PCDH9: variants seen among roughly 807,000 people sequenced by gnomAD.
PCDH9 encodes the protein protocadherin-9.
A neutral mutation model predicts 70.6 loss-of-function variants in PCDH9; 24 were observed. The observed-to-expected ratio is 0.34, with a 90% CI of 0.25 to 0.48. The LOEUF (loss-of-function observed/expected upper bound fraction) is 0.48. Among genes scored for constraint, PCDH9 ranks in the 20% least tolerant of loss-of-function variants. The pLI, the probability that PCDH9 is intolerant of heterozygous loss-of-function variation, is 0.99. For synonymous variants in PCDH9, 562 were observed against 558.5 expected (o/e 1.01, Z -0.09); for missense variants, 1,281 against 1,503.6 (o/e 0.85, Z 2.45).
At chr13:66,815,016 A>G (rs1453318573) in intron 3 of PCDH9, among the ~76,000 whole-genome samples, 1 of 152,188 alleles carries the variant, frequency 6.6e-6, no homozygotes, top group East Asian at 1.9e-4. Flanking sequence ...CACATCCCAC[A>G]AAGGTCTAAT....
intron 3 of PCDH9, among the ~76,000 whole-genome samples, chr13:66,728,635 T>A (rs2079034825): frequency 6.6e-6 from 1 of 152,064 alleles, no homozygotes; most frequent in Non-Finnish European, 1.5e-5. Flanking sequence ...GTTCTGTTCC[T>A]CTCCTACTGA....
At chr13:66,618,785 C>A (rs1028231389) in intron 4 of PCDH9, among the ~76,000 whole-genome samples, 1 of 152,086 alleles carries the variant, frequency 6.6e-6, no homozygotes, top group Non-Finnish European at 1.5e-5. Flanking sequence ...GATTACATAT[C>A]CAGGGTTAAG....
At chr13:66,673,568 A>G (rs1309598859) in intron 3 of PCDH9, among the ~76,000 whole-genome samples, 2 of 152,162 alleles carry the variant, frequency 1.3e-5, no homozygotes, top group Non-Finnish European at 1.5e-5. Flanking sequence ...AGGCTACCAG[A>G]AGCTGGCACA....
At chr13:67,210,377 C>T (rs1276593548) in intron 2 of PCDH9, 3 of 151,990 alleles carry the variant, frequency 2.0e-5, no homozygotes, top group Admixed American at 2.0e-4. Context: ...AGAGTGATAA[C>T]ATAGATCATA....
chr13:66,674,657 A>G lies in PCDH9; in HGVS notation c.3139-43246T>C, dbSNP rs138250685. Reference sequence around the variant, plus strand: ...AAATGCCATAAAAATTACAACAAAGATAAATATTTTTCTTATCTACTCTAT... The same window carrying G: ...AAATGCCATAAAAATTACAACAAAGGTAAATATTTTTCTTATCTACTCTAT... On this transcript the variant is annotated intron_variant, in intron 3 of 4. Transcript: ENST00000377865. 2.6e-5 allele frequency among the ~76,000 whole-genome samples: 4 copies of G among 152,216 alleles called. No homozygotes were observed. The East Asian group carries it at 5.8e-4, about 22-fold the overall frequency.
intron 2 of PCDH9, among the ~76,000 whole-genome samples, chr13:66,960,419 G>A (rs1203101106): frequency 6.6e-6 from 1 of 152,064 alleles, no homozygotes; most frequent in Non-Finnish European, 1.5e-5. Flanking sequence ...CTTTCATTCA[G>A]TAATTTTGAA....
intron 4 of PCDH9, among the ~76,000 whole-genome samples, chr13:66,370,735 A>G (rs1248736419): frequency 2.0e-5 from 3 of 151,954 alleles, no homozygotes; most frequent in African/African-American, 7.2e-5. Context: ...CCTGGTCTCA[A>G]ACTCCTGGGC....
At chr13:66,599,304 T>G (rs1210760983) in intron 4 of PCDH9, among the ~76,000 whole-genome samples, 1 of 151,758 alleles carries the variant, frequency 6.6e-6, no homozygotes, top group South Asian at 2.1e-4. Context: ...TTTGTTTTAA[T>G]TGAAGAGATT....
At chr13:66,564,833 C>A (rs1225172957) in intron 4 of PCDH9, among the ~76,000 whole-genome samples, 3 of 151,526 alleles carry the variant, frequency 2.0e-5, no homozygotes, top group Non-Finnish European at 4.4e-5. Flanking sequence ...CAAAATTAAA[C>A]TCACTCAGAA....
Position 67,228,375 on chromosome 13 carries a change from T to C in PCDH9, c.66A>G (p.Ile22Met), listed in dbSNP as rs1359267988. The C allele has an allele frequency of 1.9e-6, 3 of 1,612,820 alleles. No homozygotes were observed. The African/African-American group carries it at 4.0e-5, about 22-fold the overall frequency. The change falls in exon 2 of 5, where the codon ATA becomes ATG. Residue 22 changes from isoleucine to methionine, a missense_variant. By Grantham distance (10) the Ile-to-Met change is conservative. Coordinates refer to ENST00000377865, the MANE Select transcript of PCDH9 (RefSeq NM_203487.3). ...TAATAGTGTAAATAAGTTCTTGAGCTATTGCGGAATCCAGCCTTAAACAGG... is the reference window on the plus strand; with the variant it reads ...TAATAGTGTAAATAAGTTCTTGAGCCATTGCGGAATCCAGCCTTAAACAGG... ...LIACLRLDSAIAQELIYTIRE... is the reference protein window; with the variant it reads ...LIACLRLDSAMAQELIYTIRE...
At chr13:66,606,345 A>G (rs770592326) in intron 4 of PCDH9, among the ~76,000 whole-genome samples, 1 of 152,128 alleles carries the variant, frequency 6.6e-6, no homozygotes, top group Admixed American at 6.5e-5. Flanking sequence ...GGCACCACGA[A>G]TGCAACACTG....
At chr13:67,012,292 T>C (rs2084466647) in intron 2 of PCDH9, among the ~76,000 whole-genome samples, 1 of 151,644 alleles carries the variant, frequency 6.6e-6, no homozygotes, top group Admixed American at 6.6e-5. Flanking sequence ...ATAAAATATA[T>C]TTTGTATTTT....
chr13:67,156,023 C>A (rs1594587433), intron 2 of PCDH9, among the ~76,000 whole-genome samples: 1 of 152,000 alleles, frequency 6.6e-6, no homozygotes. Context: ...TTTAAGGATG[C>A]CGGAGATACA....
At chr13:66,758,410 A>G (rs1206800646) in intron 3 of PCDH9, among the ~76,000 whole-genome samples, 1 of 152,042 alleles carries the variant, frequency 6.6e-6, no homozygotes, top group African/African-American at 2.4e-5. Context: ...TAGGAGATTA[A>G]CATTTTTAAA....
At chr13:66,368,720 G>A (rs1230054026) in intron 4 of PCDH9, among the ~76,000 whole-genome samples, 1 of 151,866 alleles carries the variant, frequency 6.6e-6, no homozygotes, top group Non-Finnish European at 1.5e-5. Flanking sequence ...ACCCAAGACT[G>A]GGCAATTTAC....
At chr13:66,658,319 A>G (rs1290355191) in intron 3 of PCDH9, among the ~76,000 whole-genome samples, 2 of 152,302 alleles carry the variant, frequency 1.3e-5, no homozygotes, top group East Asian at 3.9e-4. Context: ...TGATATAAAA[A>G]CACATTTATT....
chr13:66,844,593 A>T (rs2081174316), intron 3 of PCDH9, among the ~76,000 whole-genome samples: 2 of 151,854 alleles, frequency 1.3e-5, no homozygotes, highest in African/African-American at 2.4e-5. Flanking sequence ...TCAAAAAAAA[A>T]AAAAAAGTCC....
intron 4 of PCDH9, among the ~76,000 whole-genome samples, chr13:66,382,730 A>C (rs1056070539): frequency 6.6e-6 from 1 of 152,108 alleles, no homozygotes; most frequent in Non-Finnish European, 1.5e-5. Context: ...GGATTACAAA[A>C]TATTCTTAAT....
At chr13:66,872,036 C>CT (rs11462921) in intron 3 of PCDH9, among the ~76,000 whole-genome samples, 67,591 of 151,826 alleles carry the variant, frequency 0.45, 15,562 homozygotes, top group African/African-American at 0.57. Flanking sequence ...TTTAACATGT[C>CT]GTCTACTACT....
Sources: gnomAD v4.1 joint callset for allele counts (sites outside exome capture counted in the v4.1 genomes callset) on GRCh38, gnomAD v4.1.1 for gene constraint, MANE v1.5 for transcripts, NCBI Gene and HGNC (gene_info 2026-07-23, HGNC 2026-07-21) for gene names.